METTL8: variants seen among roughly 807,000 people sequenced by gnomAD.
METTL8 encodes the protein methyltransferase 8, tRNA N3-cytidine.
METTL8 carries 32 observed loss-of-function variants against 48.7 expected under a neutral mutation model. The observed-to-expected ratio is 0.66, with a 90% confidence interval of 0.50 to 0.88. METTL8 has a LOEUF of 0.88. Ranked by LOEUF, METTL8 falls within the 40% of genes least tolerant of loss-of-function variation. The pLI is 0.00. For synonymous variants in METTL8, 136 were observed against 157.1 expected, an observed-to-expected ratio of 0.87 and a Z score of 1.01; for missense variants, 464 against 474.4, an observed-to-expected ratio of 0.98 and a Z score of 0.20.
intron 2 of METTL8, chr2:171,375,310 T>G: frequency 1.3e-6 from 1 of 767,256 alleles, no homozygotes; most frequent in East Asian, 2.5e-5. Flanking sequence ...TATATGTTTA[T>G]CTTTTAAAGA....
At chr2:171,365,597 A>G (rs1395130585) in intron 2 of METTL8, among the ~76,000 whole-genome samples, 3 of 152,158 alleles carry the variant, frequency 2.0e-5, no homozygotes, top group Admixed American at 1.3e-4. Flanking sequence ...GCCAGGTGGT[A>G]TGGGGCTGGT....
chr2:171,401,523 C>T (rs1257854105), intron 1 of METTL8, among the ~76,000 whole-genome samples: 3 of 152,116 alleles, frequency 2.0e-5, no homozygotes, highest in Non-Finnish European at 2.9e-5. Context: ...TCATGCTTAG[C>T]GTTTGTTCTC....
chr2:171,336,724 G>A (rs1183703801), intron 5 of METTL8, among the ~76,000 whole-genome samples: 1 of 152,150 alleles, frequency 6.6e-6, no homozygotes, highest in African/African-American at 2.4e-5. Context: ...GCTTCAGAAG[G>A]GATGACAAAA....
At chr2:171,390,828 T>C (rs972078977) in intron 2 of METTL8, among the ~76,000 whole-genome samples, 3 of 152,156 alleles carry the variant, frequency 2.0e-5, no homozygotes, top group African/African-American at 7.2e-5. Context: ...AGACATAATT[T>C]AGACAACAAA....
At chr2:171,352,577 G>A (rs958011576) in intron 3 of METTL8, among the ~76,000 whole-genome samples, 30 of 152,208 alleles carry the variant, frequency 2.0e-4, no homozygotes, top group South Asian at 4.2e-4. Flanking sequence ...GGTAGAATTC[G>A]GCTGTGAATC....
In METTL8 at chr2:171,409,238, T is replaced by C. The variant is rs967663014; in HGVS notation, c.-12-17041A>G. 5.9e-5 allele frequency among the ~76,000 whole-genome samples: 9 copies of C among 152,286 alleles called. No individual in the cohort carries two copies. In the South Asian group the frequency reaches 1.2e-3, roughly 21 times the overall value. ...TTGCTTACGCCTATCAGTGCGTTCG[T>C]AAAATTGAGAGAATTCTTAAGTCAC... On this transcript the variant is annotated intron_variant, in intron 1 of 9. Coordinates refer to ENST00000375258, the MANE Select transcript of METTL8 (RefSeq NM_001321154.2).
chr2:171,416,355 C>T (rs1691317648), intron 1 of METTL8, among the ~76,000 whole-genome samples: 1 of 152,212 alleles, frequency 6.6e-6, no homozygotes, highest in Admixed American at 6.5e-5. Context: ...TATTCTCCAG[C>T]TAATTTCAGT....
intron 2 of METTL8, among the ~76,000 whole-genome samples, chr2:171,374,127 C>G (rs1686688355): frequency 1.3e-5 from 2 of 152,150 alleles, no homozygotes; most frequent in African/African-American, 4.8e-5. Context: ...GAATGTTCTT[C>G]CATTTGTTTG....
Position 171,360,465 on chromosome 2 carries a change from T to C in METTL8, c.192A>G (p.Lys64=). The change falls in exon 3 of 10, where the codon AAA becomes AAG. Residue 64 remains lysine, a synonymous_variant. Transcript: ENST00000375258. The stretch of plus-strand genomic sequence containing the variant: ...CTCGCACAGCTGAGTTTTCTTTTAC[T>C]TTTTTTCTGGCTGCTGCTTCTTCTT... The part of the protein sequence containing the change: ...SKEEEAAARK[K]VKENSAVRVL... 4.3e-6 allele frequency: 7 copies of C among 1,613,216 alleles called. No homozygotes were observed. Among genetic ancestry groups the C allele is most frequent in the Non-Finnish European group, 5.9e-6 (7 of 1,179,428 alleles).
intron 1 of METTL8, among the ~76,000 whole-genome samples, chr2:171,394,852 T>A (rs1407289115): frequency 6.6e-6 from 1 of 152,250 alleles, no homozygotes; most frequent in Non-Finnish European, 1.5e-5. Context: ...TCTAATTGGA[T>A]GGAAGTTACT....
Position 171,317,068 on chromosome 2 carries a change from A to G in METTL8, c.*7104T>C, listed in dbSNP as rs1325655539. ...ATAGTGTTGCTTGTGCTAAGTACAG[A>G]GCATTAAAAACAAAAAACAAAAAAG... On this transcript the variant is annotated 3_prime_UTR_variant, in exon 10 of 10. Transcript: ENST00000375258. Among the ~76,000 whole-genome samples, 2 of 152,208 alleles carry G rather than the reference A, an allele frequency of 1.3e-5. No homozygotes were observed. The highest frequency in any genetic ancestry group is 1.3e-4 in the Admixed American group (2 of 15,274).
intron 1 of METTL8, among the ~76,000 whole-genome samples, chr2:171,408,929 T>C (rs1690464419): frequency 6.6e-6 from 1 of 152,256 alleles, no homozygotes; most frequent in Non-Finnish European, 1.5e-5. Context: ...ACCCATTTGC[T>C]GTTATCATTA....
intron 1 of METTL8, among the ~76,000 whole-genome samples, chr2:171,417,575 G>C (rs1691441076): frequency 6.6e-6 from 1 of 152,136 alleles, no homozygotes; most frequent in African/African-American, 2.4e-5. Context: ...AGGTAGCCAG[G>C]GTTACACAGA....
At chr2:171,336,387 G>A (rs536663064) in intron 5 of METTL8, among the ~76,000 whole-genome samples, 2 of 138,590 alleles carry the variant, frequency 1.4e-5, no homozygotes, top group East Asian at 2.1e-4. Context: ...GAGCCACCAC[G>A]CCCGACTGCT....
intron 1 of METTL8, among the ~76,000 whole-genome samples, chr2:171,394,295 G>A (rs73022904): frequency 0.039 from 5,891 of 152,014 alleles, 373 homozygotes; most frequent in African/African-American, 0.13. Flanking sequence ...ATAAAATGAT[G>A]TAAATGTTTC....
chr2:171,363,733 T>C lies in METTL8; in HGVS notation c.144-3220A>G, dbSNP rs1002332711. 3.4e-5 allele frequency among the ~76,000 whole-genome samples: 5 copies of C among 146,084 alleles called. No homozygotes were observed. In the Admixed American group the frequency reaches 3.4e-4, roughly 10 times the overall value. On this transcript the variant is annotated intron_variant, in intron 2 of 9. Transcript: ENST00000375258. Reference sequence around the variant, plus strand: ...ACATTAAGATAATAAATATGACTATTACATGACAATATGGAAAAGTATTTA... The same window carrying C: ...ACATTAAGATAATAAATATGACTATCACATGACAATATGGAAAAGTATTTA...
In METTL8 at chr2:171,324,079, T is replaced by C; in HGVS notation, c.*93A>G. 1 of 1,035,774 alleles carries C rather than the reference T, an allele frequency of 9.7e-7. No homozygotes were observed. The allele number at this position is 1,035,774 out of a possible 1,614,324, so 64.2% of individuals were successfully genotyped here. A position where few individuals can be genotyped will look rare whatever the true frequency, so the allele number is the denominator to read the frequency against. ...ACGGCAGGAAATACAAATTCTCTTC[T>C]TTTTTTCTCATTGTCTTTTGAGAAA... On this transcript the variant is annotated 3_prime_UTR_variant, in exon 10 of 10. Coordinates refer to ENST00000375258, the MANE Select transcript of METTL8 (RefSeq NM_001321154.2).
intron 2 of METTL8, among the ~76,000 whole-genome samples, chr2:171,379,351 A>G (rs1687283883): frequency 6.6e-6 from 1 of 152,178 alleles, no homozygotes; most frequent in African/African-American, 2.4e-5. Context: ...TAAAACAACT[A>G]GAGAAGCAAG....
In METTL8 at chr2:171,397,238, GC is replaced by G. The variant is rs1442883519; in HGVS notation, c.-12-5042del. ...GCAATGAAATAGAAAACAGGGCCAG[GC>G]ATGGTAGTTCACGTCTGTAATCTCA... On this transcript the variant is annotated intron_variant, in intron 1 of 9. Coordinates refer to ENST00000375258, the MANE Select transcript of METTL8 (RefSeq NM_001321154.2). 2.7e-5 allele frequency among the ~76,000 whole-genome samples: 4 copies of G among 150,364 alleles called. No homozygotes were observed. In the East Asian group the frequency reaches 7.8e-4, roughly 29 times the overall value.
Sources: gnomAD v4.1 joint callset for allele counts (sites outside exome capture counted in the v4.1 genomes callset) on GRCh38, gnomAD v4.1.1 for gene constraint, MANE v1.5 for transcripts, NCBI Gene and HGNC (gene_info 2026-07-23, HGNC 2026-07-21) for gene names.